The following BANK1 variants were observed in gnomAD, a reference collection of about 807,000 sequenced individuals.
BANK1 encodes the protein B-cell scaffold protein with ankyrin repeats.
In BANK1, 95 loss-of-function variants were observed where a neutral mutation model predicts 94.5. The observed-to-expected ratio is 1.00, with a 90% CI of 0.85 to 1.19. The LOEUF (loss-of-function observed/expected upper bound fraction) is 1.19. Ranked by LOEUF, BANK1 falls within the 50% of genes most tolerant of loss-of-function variation. The probability of loss-of-function intolerance (pLI) is 0.00; values close to 1 mark genes in which losing one functional copy is unlikely to be tolerated. For synonymous variants in BANK1, 334 were observed against 308.4 expected, an observed-to-expected ratio of 1.08 and a Z score of -0.87; for missense variants, 987 against 932.2, an observed-to-expected ratio of 1.06 and a Z score of -0.77.
chr4:101,971,531 C>G (rs912764127), intron 7 of BANK1, among the ~76,000 whole-genome samples: 1 of 152,068 alleles, frequency 6.6e-6, no homozygotes, highest in Non-Finnish European at 1.5e-5. Flanking sequence ...TCTATTTATG[C>G]TTATGTTGCC....
chr4:101,974,005 T>C (rs1437492583), intron 7 of BANK1, among the ~76,000 whole-genome samples: 2 of 152,128 alleles, frequency 1.3e-5, no homozygotes, highest in African/African-American at 2.4e-5. Context: ...TTACCTGGTA[T>C]TAATTATTAT....
chr4:101,868,272 A>T (rs1398506804), intron 4 of BANK1, among the ~76,000 whole-genome samples: 3 of 152,050 alleles, frequency 2.0e-5, no homozygotes, highest in African/African-American at 7.2e-5. Flanking sequence ...AAACACAGAT[A>T]CACCAACCTA....
At chr4:101,874,536 T>A (rs1728415227) in intron 5 of BANK1, among the ~76,000 whole-genome samples, 1 of 152,204 alleles carries the variant, frequency 6.6e-6, no homozygotes, top group African/African-American at 2.4e-5. Flanking sequence ...ATGCGTCTAG[T>A]CTCTAAGCTT....
rs751653833 is a variant in BANK1 at position 102,025,431 on chromosome 4, A to T, written c.1516A>T (p.Ser506Cys). 2 of 1,614,128 alleles carry T rather than the reference A, an allele frequency of 1.2e-6. No individual in the cohort carries two copies. Among genetic ancestry groups the T allele is most frequent in the Non-Finnish European group, 1.7e-6 (2 of 1,180,016 alleles). The stretch of plus-strand genomic sequence containing the variant: ...AAATAATTCACAAGAGCCACTCATG[A>T]GCAGCAGACCTCCTCTCCCCCCGCC... Reference protein sequence around the residue: ...PENNSQEPLMSSRPPLPPPRP... With the variant: ...PENNSQEPLMCSRPPLPPPRP... Residue 506 changes from serine (S) to cysteine (C), a missense_variant, in exon 9 of 17, where the codon AGC becomes TGC. Ser to Cys is a moderately radical substitution (Grantham distance 112, BLOSUM62 -1). Transcript: ENST00000322953.
chr4:102,008,762 G>A (rs140846662), intron 7 of BANK1, among the ~76,000 whole-genome samples: 44 of 151,926 alleles, frequency 2.9e-4, no homozygotes, highest in African/African-American at 9.4e-4. Flanking sequence ...CAACATTCTC[G>A]GGTTATAACA....
At chr4:101,807,304 T>C (rs1395906102) in intron 1 of BANK1, among the ~76,000 whole-genome samples, 2 of 152,224 alleles carry the variant, frequency 1.3e-5, no homozygotes, top group East Asian at 3.9e-4. Context: ...GATAAGAAAA[T>C]CACTACTGCC....
chr4:101,958,283 A>G (rs1215304388), intron 7 of BANK1, among the ~76,000 whole-genome samples: 1 of 152,108 alleles, frequency 6.6e-6, no homozygotes, highest in African/African-American at 2.4e-5. Flanking sequence ...TACCATCCCC[A>G]TTTTATAGAT....
intron 7 of BANK1, among the ~76,000 whole-genome samples, chr4:101,949,908 C>T (rs551520839): frequency 3.3e-5 from 5 of 151,998 alleles, no homozygotes; most frequent in African/African-American, 4.8e-5. Flanking sequence ...AGAATATAAC[C>T]CATAGGAGAA....
chr4:101,927,734 C>T (rs902350330), intron 7 of BANK1, among the ~76,000 whole-genome samples: 2 of 151,474 alleles, frequency 1.3e-5, no homozygotes, highest in African/African-American at 4.8e-5. Flanking sequence ...AATTAATTGC[C>T]ATTTACTGAG....
Position 101,790,818 on chromosome 4 carries a change from G to A in BANK1, c.-63G>A, listed in dbSNP as rs547134441. 637 of 1,486,224 alleles carry A rather than the reference G, an allele frequency of 4.3e-4. 4 individuals carry two copies. Among genetic ancestry groups the A allele is most frequent in the South Asian group, 2.6e-3 (219 of 83,012 alleles). The allele number at this position is 1,486,224 out of a possible 1,614,324, so 92.1% of individuals were successfully genotyped here. ...AGAAAATCGCGGGGAGTCTCTGGCC[G>A]GGAGAGTCCAGGTAGCGCTCGGCGG... On this transcript the variant is annotated 5_prime_UTR_variant, in exon 1 of 17. Transcript: ENST00000322953.
At chr4:101,936,588 A>T (rs1723570152) in intron 7 of BANK1, among the ~76,000 whole-genome samples, 1 of 150,924 alleles carries the variant, frequency 6.6e-6, no homozygotes, top group African/African-American at 2.4e-5. Flanking sequence ...GTGTGTGTAT[A>T]TATATAACCA....
intron 7 of BANK1, among the ~76,000 whole-genome samples, chr4:101,991,823 G>A (rs1725719566): frequency 6.6e-6 from 1 of 152,208 alleles, no homozygotes. Context: ...ACATACGTGT[G>A]TATTTGCACA....
intron 3 of BANK1, 114 bp from the exon 4 acceptor site, chr4:101,862,412 T>C: frequency 1.3e-6 from 1 of 743,520 alleles, no homozygotes. Context: ...ACAAACACCA[T>C]AGAAGACTTA....
At chr4:101,836,504 CA>C (rs1726835244) in intron 2 of BANK1, among the ~76,000 whole-genome samples, 1 of 151,978 alleles carries the variant, frequency 6.6e-6, no homozygotes, top group African/African-American at 2.4e-5. Context: ...GAAACAAAAA[CA>C]AAAAAATTTC....
At chr4:101,971,881 A>G (rs1354399728) in intron 7 of BANK1, among the ~76,000 whole-genome samples, 1 of 152,052 alleles carries the variant, frequency 6.6e-6, no homozygotes, top group Non-Finnish European at 1.5e-5. Context: ...CTGTTTAATT[A>G]CCACAGATTT....
chr4:101,807,239 C>T (rs1309660987), intron 1 of BANK1, among the ~76,000 whole-genome samples: 2 of 152,108 alleles, frequency 1.3e-5, no homozygotes, highest in Non-Finnish European at 2.9e-5. Context: ...GACTGACTTT[C>T]TTTTTTAGCT....
chr4:101,807,582 T>A (rs570537017), intron 1 of BANK1, among the ~76,000 whole-genome samples: 64 of 151,980 alleles, frequency 4.2e-4, no homozygotes, highest in African/African-American at 1.4e-3. Flanking sequence ...CAAAAGGAGG[T>A]TTCACTTTCC....
intron 11 of BANK1, among the ~76,000 whole-genome samples, chr4:102,058,315 A>T (rs1387221396): frequency 2.6e-5 from 4 of 152,140 alleles, no homozygotes; most frequent in Non-Finnish European, 5.9e-5. Flanking sequence ...GAAATTTTTT[A>T]AAAGGAATTA....
chr4:101,908,335 G>A (rs1722537357), intron 6 of BANK1, among the ~76,000 whole-genome samples: 1 of 152,130 alleles, frequency 6.6e-6, no homozygotes, highest in Non-Finnish European at 1.5e-5. Context: ...AATGGTGCTG[G>A]GAAAACTGGC....
Sources: gnomAD v4.1 joint callset for allele counts (sites outside exome capture counted in the v4.1 genomes callset) on GRCh38, gnomAD v4.1.1 for gene constraint, MANE v1.5 for transcripts, NCBI Gene and HGNC (gene_info 2026-07-23, HGNC 2026-07-21) for gene names.